Variants in ZNF711 observed in about 807,000 individuals in gnomAD.
ZNF711 encodes the protein zinc finger protein 711.
A neutral mutation model predicts 43.5 loss-of-function variants in ZNF711; 3 were observed. The ratio of observed to expected loss-of-function variants is 0.07; its 90% CI spans 0.03 to 0.18. The LOEUF is 0.18. Among genes scored for constraint, ZNF711 ranks in the 10% least tolerant of loss-of-function variants. The pLI, the probability that ZNF711 is intolerant of heterozygous loss-of-function variation, is 1.00. For synonymous variants in ZNF711, 209 were observed against 207.7 expected (o/e 1.01, Z -0.06); for missense variants, 412 against 604.0 (o/e 0.68, Z 3.33).
At chrX:85,257,706 G>C (rs1182043430) in intron 5 of ZNF711, among the ~76,000 whole-genome samples, 1 of 112,655 alleles carries the variant, frequency 8.9e-6, no homozygotes, top group Non-Finnish European at 1.9e-5. Context: ...CTGCTGAGTT[G>C]AATGGTAGTT....
At chrX:85,249,078 TG>T (rs1929316101) in intron 4 of ZNF711, among the ~76,000 whole-genome samples, 1 of 112,055 alleles carries the variant, frequency 8.9e-6, no homozygotes. Context: ...GTGAGTTAAT[TG>T]ATGAAATATA....
chrX:85,273,018 T>A lies in ZNF711; in HGVS notation c.*1190T>A, dbSNP rs1027436034. 2.1e-4 allele frequency: 23 copies of A among 112,155 alleles called. No individual in the cohort carries two copies. The highest frequency in any genetic ancestry group is 7.4e-4 in the African/African-American group (23 of 30,880). 9.2% of individuals were successfully genotyped at this position (112,155 alleles called of 1,213,427 possible). A position where few individuals can be genotyped will look rare whatever the true frequency, so the allele number is the denominator to read the frequency against. On this transcript the variant is annotated 3_prime_UTR_variant, in exon 11 of 11. Coordinates refer to ENST00000674551, the MANE Select transcript of ZNF711 (RefSeq NM_001330574.2). Reference sequence around the variant, plus strand: ...ATGAAAATCCTGTTCATAAATGTAATGCATATGATATGTACTTTTAAGTTT... The same window carrying A: ...ATGAAAATCCTGTTCATAAATGTAAAGCATATGATATGTACTTTTAAGTTT...
Position 85,268,288 on chromosome X carries a change from T to C in ZNF711, c.1055-6T>C. 1 of 1,165,118 alleles carries C rather than the reference T, an allele frequency of 8.6e-7. No individual in the cohort carries two copies. Among genetic ancestry groups the C allele is most frequent in the Non-Finnish European group, 1.1e-6 (1 of 873,175 alleles). ...TTGGTCTTTTTTTTTTTTTTTTTTT[T>C]TTTAGGAGATGAAAGAAGAGTTTCC... On this transcript the variant is annotated splice_region_variant and splice_polypyrimidine_tract_variant and intron_variant, in intron 8 of 10. Coordinates refer to ENST00000674551, the MANE Select transcript of ZNF711 (RefSeq NM_001330574.2).
At chrX:85,266,037 C>T (rs753854407) in intron 7 of ZNF711, among the ~76,000 whole-genome samples, 4 of 111,537 alleles carry the variant, frequency 3.6e-5, no homozygotes, top group Non-Finnish European at 7.5e-5. Flanking sequence ...CTACTTTCTC[C>T]TCACCTCAGT....
At chrX:85,258,818 A>G (rs1486835586) in intron 5 of ZNF711, among the ~76,000 whole-genome samples, 1 of 110,564 alleles carries the variant, frequency 9.0e-6, no homozygotes, top group African/African-American at 3.3e-5. Flanking sequence ...CCTTTGTCCG[A>G]TGCATAGTTT....
At position 85,271,430 on chromosome X, in the gene ZNF711, C is replaced by T; in HGVS notation, c.2026C>T (p.Arg676Cys). Residue 676 changes from arginine to cysteine, a missense_variant, in exon 11 of 11, where the codon CGT becomes TGT. Transcript: ENST00000674551. ...TGAGGTCTGTGATAAAGGTTTTCATCGTCCTTCTGAGCTCAAAAAGCATAG... is the reference window on the plus strand; with the variant it reads ...TGAGGTCTGTGATAAAGGTTTTCATTGTCCTTCTGAGCTCAAAAAGCATAG... ...KCEVCDKGFHRPSELKKHSDI... is the reference protein window; with the variant it reads ...KCEVCDKGFHCPSELKKHSDI... The T allele has an allele frequency of 1.7e-6, 2 of 1,210,917 alleles. No homozygotes were observed. The highest frequency in any genetic ancestry group is 2.2e-6 in the Non-Finnish European group (2 of 895,196).
intron 4 of ZNF711, among the ~76,000 whole-genome samples, chrX:85,250,317 AC>A (rs1157092745): frequency 9.0e-6 from 1 of 111,717 alleles, no homozygotes; most frequent in East Asian, 2.8e-4. Flanking sequence ...ATATACCTAT[AC>A]ACAATTATAG....
chrX:85,263,612 A>C (rs190520473), intron 5 of ZNF711, among the ~76,000 whole-genome samples: 2 of 110,036 alleles, frequency 1.8e-5, no homozygotes, highest in East Asian at 5.7e-4. Context: ...TTTTAGAAAC[A>C]ACCACTATTT....
At chrX:85,244,321 A>G (rs1386631930) in intron 1 of ZNF711, 130 bp downstream of exon 1, 1 of 115,953 alleles carries the variant, frequency 8.6e-6, no homozygotes, top group Non-Finnish European at 1.8e-5. Context: ...AGTGGCGTCC[A>G]GTCCCTGAGC....
chrX:85,268,373 A>T, intron 9 of ZNF711, 32 bp downstream of exon 9: 1 of 1,189,757 alleles, frequency 8.4e-7, no homozygotes, highest in Non-Finnish European at 1.1e-6. Context: ...GATGTGAGTT[A>T]AAGTTCTGGC....
intron 4 of ZNF711, among the ~76,000 whole-genome samples, chrX:85,253,504 A>G (rs991922241): frequency 9.0e-6 from 1 of 111,427 alleles, no homozygotes; most frequent in African/African-American, 3.3e-5. Context: ...TGTACCCTTT[A>G]CTTACCTTCC....
intron 5 of ZNF711, among the ~76,000 whole-genome samples, chrX:85,257,263 A>G (rs1472271165): frequency 9.0e-6 from 1 of 111,014 alleles, no homozygotes; most frequent in Non-Finnish European, 1.9e-5. Flanking sequence ...GAATGATCCC[A>G]TCTCCTAGGT....
intron 7 of ZNF711, among the ~76,000 whole-genome samples, chrX:85,265,589 A>T (rs972034370): frequency 1.8e-5 from 2 of 110,817 alleles, no homozygotes; most frequent in Non-Finnish European, 3.8e-5. Context: ...ATGTTGCAAG[A>T]TACTATCTCA....
chrX:85,259,544 C>G (rs1484546222), intron 5 of ZNF711, among the ~76,000 whole-genome samples: 1 of 110,999 alleles, frequency 9.0e-6, no homozygotes, highest in African/African-American at 3.3e-5. Flanking sequence ...AATGTTTTTC[C>G]ATTTGTTTGT....
At chrX:85,254,480 G>A (rs1229452815) in intron 4 of ZNF711, among the ~76,000 whole-genome samples, 1 of 83,907 alleles carries the variant, frequency 1.2e-5, no homozygotes, top group African/African-American at 5.5e-5. Context: ...GGTGGCGGGC[G>A]CCTGTAGTCC....
Position 85,272,476 on chromosome X carries a change from ATAAAGAT to A in ZNF711, c.*654_*660del, listed in dbSNP as rs778970642. On this transcript the variant is annotated 3_prime_UTR_variant, in exon 11 of 11. Transcript: ENST00000674551. ...TGTGCTGAGATCTAAGGTGAAGTCT[ATAAAGAT>A]TAAAGTTCCCTTTTTTCTGATGTTC... The A allele has an allele frequency of 8.9e-6, 1 of 112,209 alleles. No individual in the cohort carries two copies. The highest frequency in any genetic ancestry group is 9.5e-5 in the Admixed American group (1 of 10,579). 9.2% of individuals were successfully genotyped at this position (112,209 alleles called of 1,213,427 possible). A position where few individuals can be genotyped will look rare whatever the true frequency, so the allele number is the denominator to read the frequency against.
rs750847549 is a variant in ZNF711, at chrX:85,270,503, C to T, written c.1247-148C>T. On this transcript the variant is annotated intron_variant, in intron 10 of 10. Transcript: ENST00000674551. ...TAGTGAGCTACTTTGCCATAAATTG[C>T]TTTTATTATGTATTTTTTATATTAC... 8.5e-5 allele frequency: 48 copies of T among 567,203 alleles called. 1 individual carries two copies. The South Asian group carries it at 1.3e-3, about 16-fold the overall frequency. The allele number at this position is 567,203 out of a possible 1,213,427, so 46.7% of individuals were successfully genotyped here. A position where few individuals can be genotyped will look rare whatever the true frequency, so the allele number is the denominator to read the frequency against.
intron 4 of ZNF711, among the ~76,000 whole-genome samples, chrX:85,249,841 T>C (rs763392927): frequency 9.0e-6 from 1 of 111,627 alleles, no homozygotes; most frequent in South Asian, 3.7e-4. Flanking sequence ...AGACACCTCA[T>C]ACCCATTAGC....
At chrX:85,264,575 GA>G (rs1930941651) in intron 6 of ZNF711, 145 bp downstream of exon 6, 1 of 518,276 alleles carries the variant, frequency 1.9e-6, no homozygotes, top group Non-Finnish European at 3.1e-6. Flanking sequence ...AATTGTATAT[GA>G]ATATAAAGCA....
Sources: allele counts gnomAD v4.1 joint callset (sites outside exome capture counted in the v4.1 genomes callset), GRCh38; gene constraint gnomAD v4.1.1; transcripts MANE v1.5; gene names NCBI Gene and HGNC (gene_info 2026-07-23, HGNC 2026-07-21).